RNF213: variants seen among roughly 807,000 people sequenced by gnomAD.
The protein encoded by RNF213 is ring finger protein 213, also known as E3 ubiquitin-protein ligase RNF213.
RNF213 carries 341 observed loss-of-function variants against 514.4 expected under a neutral mutation model. The observed-to-expected ratio is 0.66, with a 90% CI of 0.61 to 0.73. The LOEUF (loss-of-function observed/expected upper bound fraction) is 0.73. RNF213 is among the 30% of genes least tolerant of loss of function. The pLI is 0.00. For synonymous variants in RNF213, 2,655 were observed against 2,658.2 expected, an observed-to-expected ratio of 1.00 and a Z score of 0.04; for missense variants, 5,767 against 6,615.6, an observed-to-expected ratio of 0.87 and a Z score of 4.45.
Position 80,376,871 on chromosome 17 carries a change from T to C in RNF213, c.13429-11T>C, listed in dbSNP as rs773716303. 6.2e-6 allele frequency: 10 copies of C among 1,612,910 alleles called. No homozygotes were observed. The South Asian group carries it at 7.7e-5, about 12-fold the overall frequency. The stretch of plus-strand genomic sequence containing the variant: ...CTTATCTAGAGCTGTCTCTGTCTTC[T>C]TGTTTTTCAGCATGCTTTTCTTCCA... On this transcript the variant is annotated splice_polypyrimidine_tract_variant and intron_variant, in intron 52 of 67. Coordinates refer to ENST00000582970, the MANE Select transcript of RNF213 (RefSeq NM_001256071.3).
intron 42 of RNF213, among the ~76,000 whole-genome samples, chr17:80,366,644 C>A (rs2144441128): frequency 7.1e-6 from 1 of 141,672 alleles, no homozygotes; most frequent in South Asian, 2.3e-4. Context: ...AGATTAATCC[C>A]AGCAATTCAA....
chr17:80,275,685 G>A (rs1230933756), intron 3 of RNF213, among the ~76,000 whole-genome samples: 1 of 151,422 alleles, frequency 6.6e-6, no homozygotes, highest in African/African-American at 2.4e-5. Flanking sequence ...TTTTTGAGAT[G>A]GAGTCTCACT....
Position 80,307,507 on chromosome 17 carries a change from C to T in RNF213, c.2501+306C>T, listed in dbSNP as rs373756919. ...CCTCCCGAGTAGCTGGGATTACAGG[C>T]GCACCCCACCACGCCCAGCTAATTT... On this transcript the variant is annotated intron_variant, in intron 13 of 67. Coordinates refer to ENST00000582970, the MANE Select transcript of RNF213 (RefSeq NM_001256071.3). Among the ~76,000 whole-genome samples the T allele has an allele frequency of 2.6e-4, 39 of 151,536 alleles. No individual in the cohort carries two copies. In the East Asian group the frequency reaches 5.0e-3, roughly 20 times the overall value.
chr17:80,369,763 T>A lies in RNF213; in HGVS notation c.12326-5T>A. On this transcript the variant is annotated splice_polypyrimidine_tract_variant and splice_region_variant and intron_variant, in intron 45 of 67. Transcript: ENST00000582970. ...AGTGAGCTGCCTTTTTCTTTCTGGT[T>A]TAAGGACACTGTGAACACACAAAAT... 1 of 1,613,658 alleles carries A rather than the reference T, an allele frequency of 6.2e-7. No individual in the cohort carries two copies. Among genetic ancestry groups the A allele is most frequent in the African/African-American group, 1.3e-5 (1 of 75,022 alleles).
intron 42 of RNF213, among the ~76,000 whole-genome samples, chr17:80,366,531 T>C (rs1048797907): frequency 1.3e-5 from 2 of 152,204 alleles, no homozygotes; most frequent in African/African-American, 2.4e-5. Flanking sequence ...TTTGCTGTCT[T>C]CTCTGGAGAA....
chr17:80,362,128 G>A (rs1555673355), intron 39 of RNF213, among the ~76,000 whole-genome samples: 1 of 152,226 alleles, frequency 6.6e-6, no homozygotes, highest in African/African-American at 2.4e-5. Context: ...CTGTGAACAT[G>A]AGAAGACCTC....
At chr17:80,391,422 C>G (rs2080467122) in intron 67 of RNF213, among the ~76,000 whole-genome samples, 1 of 152,112 alleles carries the variant, frequency 6.6e-6, no homozygotes, top group East Asian at 1.9e-4. Context: ...AGGTGCCAAC[C>G]ATCACGCCCA....
chr17:80,383,851 G>C lies in RNF213; in HGVS notation c.14245G>C (p.Val4749Leu). Reference protein sequence around the residue: ...KIWSCRKRITVEYLQHIVEQK... With the variant: ...KIWSCRKRITLEYLQHIVEQK... ...TTGGAGCTGCAGGAAAAGAATTACA[G>C]TTGAGTACCTCCAGCACATTGTGGA... Residue 4749 changes from valine (V) to leucine (L), a missense_variant, in exon 59 of 68, where the codon GTT becomes CTT. Val to Leu is a conservative substitution (Grantham distance 32). Transcript: ENST00000582970. 2 of 1,614,188 alleles carry C rather than the reference G, an allele frequency of 1.2e-6. No homozygotes were observed. The highest frequency in any genetic ancestry group is 1.1e-5 in the South Asian group (1 of 91,074).
At chr17:80,299,217 T>TTGTTAAGATAATGACTG (rs61152002) in intron 11 of RNF213, among the ~76,000 whole-genome samples, 32,612 of 152,046 alleles carry the variant, frequency 0.21, 4,020 homozygotes, top group African/African-American at 0.34. Flanking sequence ...CTTGTCTATG[T>TTGTTAAGATAATGACTG]CTTAGCGTTC....
chr17:80,344,036 T>C, intron 28 of RNF213, 21 bp downstream of exon 28: 1 of 1,609,022 alleles, frequency 6.2e-7, no homozygotes, highest in Non-Finnish European at 8.5e-7. Context: ...TGGGGCGTTT[T>C]CGCCTGGCGT....
intron 49 of RNF213, among the ~76,000 whole-genome samples, chr17:80,373,681 G>A (rs1448691493): frequency 6.6e-6 from 1 of 152,098 alleles, no homozygotes; most frequent in Non-Finnish European, 1.5e-5. Context: ...CAAGAACTAG[G>A]AATAGAAGAA....
intron 21 of RNF213, chr17:80,333,817 T>C: frequency 5.1e-6 from 2 of 390,262 alleles, no homozygotes; most frequent in Non-Finnish European, 9.5e-6. Flanking sequence ...CAACAGTAGT[T>C]ACTTGGCAGG....
At chr17:80,387,953 A>ATTTTTT (rs35624579) in intron 63 of RNF213, among the ~76,000 whole-genome samples, 2 of 111,346 alleles carry the variant, frequency 1.8e-5, no homozygotes, top group Non-Finnish European at 1.8e-5. Flanking sequence ...GAGCCCATGG[A>ATTTTTT]TTTTTTTTTT....
In RNF213 at chr17:80,353,207, G is replaced by T; in HGVS notation, c.10423+148G>T. ...CGGGGACACATCTGCAGAACTGACT[G>T]GTGGCTCATCATAGAGCACCAGGGC... On this transcript the variant is annotated intron_variant, in intron 33 of 67. Coordinates refer to ENST00000582970, the MANE Select transcript of RNF213 (RefSeq NM_001256071.3). The surrounding 1 kb of genome is among the most constrained non-coding windows in gnomAD (Gnocchi z 5.0). 8.9e-7 allele frequency: 1 copy of T among 1,128,618 alleles called. No homozygotes were observed. Among genetic ancestry groups the T allele is most frequent in the Non-Finnish European group, 1.3e-6 (1 of 776,390 alleles). The allele number at this position is 1,128,618 out of a possible 1,614,324, so 69.9% of individuals were successfully genotyped here.
chr17:80,273,115 C>T lies in RNF213; in HGVS notation c.98-126C>T, dbSNP rs899807382. On this transcript the variant is annotated intron_variant, in intron 2 of 67. Coordinates refer to ENST00000582970, the MANE Select transcript of RNF213 (RefSeq NM_001256071.3). ...CCTACCCTGCTCATGTTAGCAGGCC[C>T]AATGCAGGACCTCGGAGGGAGAACA... The T allele has an allele frequency of 7.0e-6, 9 of 1,289,570 alleles. No homozygotes were observed. The African/African-American group carries it at 8.8e-5, about 13-fold the overall frequency. 79.9% of individuals were successfully genotyped at this position (1,289,570 alleles called of 1,614,324 possible).
In RNF213 at chr17:80,369,582, A is replaced by G. The variant is rs760921627; in HGVS notation, c.12236A>G (p.Lys4079Arg). 2 of 1,614,264 alleles carry G rather than the reference A, an allele frequency of 1.2e-6. No individual in the cohort carries two copies. The highest frequency in any genetic ancestry group is 2.2e-5 in the South Asian group (2 of 91,082). Residue 4079 changes from lysine to arginine, a missense_variant, in exon 45 of 68, where the codon AAG becomes AGG. Around this residue, in one of 13 missense-constraint regions of RNF213, gnomAD observed 93 missense variants for 95.6 expected, o/e 0.97. Coordinates refer to ENST00000582970, the MANE Select transcript of RNF213 (RefSeq NM_001256071.3). ...FVDLVSTICF[K>R]DNAPPEKEVI... ...GACCTGGTGTCCACCATTTGCTTCA[A>G]GGACAACGCTCCGCCTGAGAAGGAA...
chr17:80,376,479 T>C lies in RNF213; in HGVS notation c.13364T>C (p.Leu4455Pro). The C allele has an allele frequency of 6.2e-7, 1 of 1,614,202 alleles. No homozygotes were observed. The highest frequency in any genetic ancestry group is 8.5e-7 in the Non-Finnish European group (1 of 1,180,034). ...GCCATTCATGCTGCAGCCGTCCTTC[T>C]GTGTGGACAGAATGAACTCTTGGAG... The part of the protein sequence containing the change: ...EMAIHAAAVL[L>P]CGQNELLEPL... The change falls in exon 52 of 68, where the codon CTG (leucine) becomes CCG (proline). Residue 4455 changes from leucine to proline, a missense_variant. This residue lies in a region of RNF213 where 1,245 missense variants were observed against 1,339.0 expected (regional missense o/e 0.93). Transcript: ENST00000582970.
Position 80,263,064 on chromosome 17 carries a change from G to A in RNF213, c.-108-510G>A, listed in dbSNP as rs905219388. Reference sequence around the variant, plus strand: ...CACCCTGGATGCAAGAAGTGACCCCGGAGGCCTGAGTCCTGGCCTTGGTCT... The same window carrying A: ...CACCCTGGATGCAAGAAGTGACCCCAGAGGCCTGAGTCCTGGCCTTGGTCT... On this transcript the variant is annotated intron_variant, in intron 1 of 67. Transcript: ENST00000582970. The surrounding 1 kb of genome is among the most constrained non-coding windows in gnomAD (Gnocchi z 4.9). 2.0e-5 allele frequency among the ~76,000 whole-genome samples: 3 copies of A among 152,194 alleles called. No individual in the cohort carries two copies. Among genetic ancestry groups the A allele is most frequent in the Non-Finnish European group, 4.4e-5 (3 of 68,014 alleles).
At chr17:80,310,609 A>G (rs1398748351) in intron 14 of RNF213, among the ~76,000 whole-genome samples, 3 of 147,802 alleles carry the variant, frequency 2.0e-5, no homozygotes, top group South Asian at 4.3e-4. Flanking sequence ...CTGTAGTGCA[A>G]TGGCGTGATC....
Sources: gnomAD v4.1 joint callset for allele counts (sites outside exome capture counted in the v4.1 genomes callset) on GRCh38, gnomAD v4.1.1 for gene constraint, gnomAD v4.1.1 regional missense constraint, Gnocchi (gnomAD v3.1) non-coding constraint, MANE v1.5 for transcripts, NCBI Gene and HGNC (gene_info 2026-07-23, HGNC 2026-07-21) for gene names.